Variants in PLEKHG2 observed in about 807,000 individuals in gnomAD.
PLEKHG2 encodes pleckstrin homology and RhoGEF domain containing G2.
In PLEKHG2, 71 loss-of-function variants were observed where a neutral mutation model predicts 104.4. The observed-to-expected ratio is 0.68, with a 90% CI of 0.56 to 0.83. The LOEUF (loss-of-function observed/expected upper bound fraction) is 0.83. Among genes scored for constraint, PLEKHG2 ranks in the 40% least tolerant of loss-of-function variants. The probability of loss-of-function intolerance (pLI) is 0.00; values close to 1 mark genes in which losing one functional copy is unlikely to be tolerated. For synonymous variants in PLEKHG2, 728 were observed against 737.0 expected, an observed-to-expected ratio of 0.99 and a Z score of 0.20; for missense variants, 1,730 against 1,809.4, an observed-to-expected ratio of 0.96 and a Z score of 0.80.
In PLEKHG2 at chr19:39,426,219, A is replaced by C. The variant is rs1340726023; in HGVS notation, c.*925A>C. On this transcript the variant is annotated 3_prime_UTR_variant, in exon 19 of 19. Transcript: ENST00000425673. Reference sequence around the variant, plus strand: ...GGGAGATCAATTTTGGGGCTCTGGGATAAGTCTGTCCCACATCTGTCTGAT... The same window carrying C: ...GGGAGATCAATTTTGGGGCTCTGGGCTAAGTCTGTCCCACATCTGTCTGAT... 1 of 152,270 alleles carries C rather than the reference A, an allele frequency of 6.6e-6. No homozygotes were observed. Among genetic ancestry groups the C allele is most frequent in the Non-Finnish European group, 1.5e-5 (1 of 68,154 alleles). The allele number at this position is 152,270 out of a possible 1,614,324, so 9.4% of individuals were successfully genotyped here.
chr19:39,417,918 G>C lies in PLEKHG2; in HGVS notation c.896G>C (p.Arg299Pro). ...HAARLQEVQR[R>P]LGGWTGPELS... ...GGGTCCCGGCAGGAAGTGCAGCGGC[G>C]GCTGGGTGGCTGGACCGGACCAGAG... The change falls in exon 9 of 19, where the codon CGG (arginine) becomes CCG (proline). Residue 299 changes from arginine (R) to proline (P), a missense_variant. By Grantham distance (103) the Arg-to-Pro change is moderately radical (BLOSUM62 -2). Coordinates refer to ENST00000425673, the MANE Select transcript of PLEKHG2 (RefSeq NM_022835.3). 6.5e-7 allele frequency: 1 copy of C among 1,541,584 alleles called. No individual in the cohort carries two copies. The highest frequency in any genetic ancestry group is 8.7e-7 in the Non-Finnish European group (1 of 1,145,332).
chr19:39,425,238 G>A lies in PLEKHG2; in HGVS notation c.4105G>A (p.Glu1369Lys), dbSNP rs369622702. 8 of 1,613,436 alleles carry A rather than the reference G, an allele frequency of 5.0e-6. No individual in the cohort carries two copies. The highest frequency in any genetic ancestry group is 6.8e-6 in the Non-Finnish European group (8 of 1,180,006). ...CCCTGCTCTCTTGGCCTCCACACAG[G>A]AATCTATGGGCCTTCACAGGGCCCA... The part of the protein sequence containing the change: ...NHPALLASTQ[E>K]SMGLHRAQGA... Residue 1369 changes from glutamate to lysine, a missense_variant, in exon 19 of 19, where the codon GAA (glutamate) becomes AAA (lysine). Physicochemically the swap from Glu to Lys is moderately conservative, Grantham distance 56. Transcript: ENST00000425673.
Position 39,422,951 on chromosome 19 carries a change from A to G in PLEKHG2, c.1897A>G (p.Thr633Ala), listed in dbSNP as rs1372632529. The G allele has an allele frequency of 6.2e-7, 1 of 1,613,966 alleles. No individual in the cohort carries two copies. The highest frequency in any genetic ancestry group is 8.5e-7 in the Non-Finnish European group (1 of 1,179,950). Reference protein sequence around the residue: ...AAEMPSIPCLTKIPDVPNLPE... With the variant: ...AAEMPSIPCLAKIPDVPNLPE... Reference sequence around the variant, plus strand: ...TGAAATGCCCAGCATTCCCTGCCTTACCAAAATTCCTGACGTGCCCAACCT... The same window carrying G: ...TGAAATGCCCAGCATTCCCTGCCTTGCCAAAATTCCTGACGTGCCCAACCT... The change falls in exon 18 of 19, where the codon ACC (threonine) becomes GCC (alanine). Residue 633 changes from threonine to alanine, a missense_variant. Physicochemically the swap from Thr to Ala is moderately conservative, Grantham distance 58. Coordinates refer to ENST00000425673, the MANE Select transcript of PLEKHG2 (RefSeq NM_022835.3).
At position 39,417,976 on chromosome 19, in the gene PLEKHG2, C is replaced by T. The variant is rs754076614; in HGVS notation, c.954C>T (p.Gly318=). The change falls in exon 9 of 19, where the codon GGC becomes GGT. Residue 318 remains glycine (G), a synonymous_variant. Transcript: ENST00000425673. ...CTTTTGGGGAACTGGTGTTGGAGGG[C>T]GCGTTCCGAGGAGGCGGAGGGGGTG... The part of the protein sequence containing the change: ...LSAFGELVLE[G]AFRGGGGGGP... 2.3e-4 allele frequency: 349 copies of T among 1,543,896 alleles called. 1 individual carries two copies. Among genetic ancestry groups the T allele is most frequent in the South Asian group, 3.7e-4 (31 of 83,464 alleles).
chr19:39,414,660 G>T (rs552455993), intron 2 of PLEKHG2, among the ~76,000 whole-genome samples: 5 of 152,212 alleles, frequency 3.3e-5, no homozygotes, highest in Admixed American at 2.6e-4. Context: ...ACATTGCCCA[G>T]TGCCCTGTGG....
chr19:39,421,942 G>T, intron 16 of PLEKHG2, 173 bp from the exon 17 acceptor site: 1 of 540,872 alleles, frequency 1.8e-6, no homozygotes, highest in South Asian at 4.0e-5. Flanking sequence ...GCTTGAACCC[G>T]GGAGGCGGAG....
Position 39,417,630 on chromosome 19 carries a change from A to T in PLEKHG2, c.820A>T (p.Thr274Ser). The change falls in exon 8 of 19, where the codon ACA (threonine) becomes TCA (serine). Residue 274 changes from threonine to serine, a missense_variant. By Grantham distance (58) the Thr-to-Ser change is moderately conservative. Coordinates refer to ENST00000425673, the MANE Select transcript of PLEKHG2 (RefSeq NM_022835.3). ...GGTGGAGGAAGCTATTGTGTCCATG[A>T]CAGCGGTTGCCTGGTACATCAACGA... is the stretch of plus-strand genomic sequence containing the variant. The part of the protein sequence containing the change: ...EMVEEAIVSM[T>S]AVAWYINDMK... The T allele has an allele frequency of 1.2e-6, 2 of 1,614,062 alleles. No individual in the cohort carries two copies. The highest frequency in any genetic ancestry group is 1.7e-6 in the Non-Finnish European group (2 of 1,180,036).
At chr19:39,422,408 T>G in intron 17 of PLEKHG2, 120 bp downstream of exon 17, 1 of 1,166,256 alleles carries the variant, frequency 8.6e-7, no homozygotes, top group Non-Finnish European at 1.2e-6. Context: ...GATGGAGTCT[T>G]GCTCTGTTGC....
At chr19:39,420,049 G>A (rs755822744) in intron 11 of PLEKHG2, among the ~76,000 whole-genome samples, 29 of 151,506 alleles carry the variant, frequency 1.9e-4, no homozygotes, top group Admixed American at 5.3e-4. Flanking sequence ...GCGAAACTCC[G>A]TCTCAAAAAA....
At position 39,416,205 on chromosome 19, in the gene PLEKHG2, C is replaced by A; in HGVS notation, c.480-143C>A. On this transcript the variant is annotated intron_variant, in intron 4 of 18. Transcript: ENST00000425673. The surrounding 1 kb of genome is among the most constrained non-coding windows in gnomAD (Gnocchi z 4.5). ...GTGTAGCCCTCAGAGGACCCTTCCT[C>A]CGGACATGACATCCCCTTAGGAGAT... 1 of 795,112 alleles carries A rather than the reference C, an allele frequency of 1.3e-6. No homozygotes were observed. 49.3% of individuals were successfully genotyped at this position (795,112 alleles called of 1,614,324 possible).
chr19:39,424,908 C>T lies in PLEKHG2; in HGVS notation c.3775C>T (p.Pro1259Ser). ...GTTGGAGTCTTCAGACTTGACGCCA[C>T]CTCATAGTCCCCCACCTTCCAGCCG... ...ARLESSDLTP[P>S]HSPPPSSRQL... Residue 1259 changes from proline (P) to serine (S), a missense_variant, in exon 19 of 19, where the codon CCT becomes TCT. Pro to Ser is a moderately conservative substitution (Grantham distance 74). Transcript: ENST00000425673. 1 of 1,614,210 alleles carries T rather than the reference C, an allele frequency of 6.2e-7. No homozygotes were observed. Among genetic ancestry groups the T allele is most frequent in the Non-Finnish European group, 8.5e-7 (1 of 1,180,044 alleles).
Position 39,425,658 on chromosome 19 carries a change from T to G in PLEKHG2, c.*364T>G. The G allele has an allele frequency of 2.7e-6, 1 of 373,458 alleles. No homozygotes were observed. The highest frequency in any genetic ancestry group is 4.7e-6 in the Non-Finnish European group (1 of 211,006). The allele number at this position is 373,458 out of a possible 1,614,324, so 23.1% of individuals were successfully genotyped here. A position where few individuals can be genotyped will look rare whatever the true frequency, so the allele number is the denominator to read the frequency against. On this transcript the variant is annotated 3_prime_UTR_variant, in exon 19 of 19. Transcript: ENST00000425673. ...GAATTATTGGAAAATGGACCCACTA[T>G]AACTTGGCGTGTGTGTGAACTGCTT...
At position 39,425,752 on chromosome 19, in the gene PLEKHG2, G is replaced by A; in HGVS notation, c.*458G>A. The A allele has an allele frequency of 4.9e-6, 1 of 204,370 alleles. No homozygotes were observed. The highest frequency in any genetic ancestry group is 9.7e-6 in the Non-Finnish European group (1 of 103,430). 12.7% of individuals were successfully genotyped at this position (204,370 alleles called of 1,614,324 possible). On this transcript the variant is annotated 3_prime_UTR_variant, in exon 19 of 19. Coordinates refer to ENST00000425673, the MANE Select transcript of PLEKHG2 (RefSeq NM_022835.3). Reference sequence around the variant, plus strand: ...TAGACACTAGAAATCCATTCCCTTGGCAATTTATACAGTTCACGTCTCCCA... The same window carrying A: ...TAGACACTAGAAATCCATTCCCTTGACAATTTATACAGTTCACGTCTCCCA...
At position 39,416,343 on chromosome 19, in the gene PLEKHG2, T is replaced by C. The variant is rs763598341; in HGVS notation, c.480-5T>C. 2.5e-6 allele frequency: 4 copies of C among 1,612,386 alleles called. No homozygotes were observed. Among genetic ancestry groups the C allele is most frequent in the Non-Finnish European group, 3.4e-6 (4 of 1,179,618 alleles). On this transcript the variant is annotated splice_polypyrimidine_tract_variant and splice_region_variant and intron_variant, in intron 4 of 18. Coordinates refer to ENST00000425673, the MANE Select transcript of PLEKHG2 (RefSeq NM_022835.3). This position sits in a 1 kb window ranked among gnomAD's most constrained non-coding sequence, Gnocchi z 4.5. ...CGGTTCCTCACCCTCCCCTCTCCCC[T>C]GTAGCGAGCTCCTGGAGGACTTGGA... is the stretch of plus-strand genomic sequence containing the variant.
In PLEKHG2 at chr19:39,424,988, T is replaced by C. The variant is rs1331548895; in HGVS notation, c.3855T>C (p.Tyr1285=). ...TCTCCAGATACCTGGCAGCCTCATA[T>C]ATCAGCCAGAGCCTGGCTCGGCGGC... The part of the protein sequence containing the change: ...AALSRYLAAS[Y]ISQSLARRQG... The change falls in exon 19 of 19, where the codon TAT becomes TAC. Residue 1285 remains tyrosine (Y), a synonymous_variant. Coordinates refer to ENST00000425673, the MANE Select transcript of PLEKHG2 (RefSeq NM_022835.3). 6.2e-7 allele frequency: 1 copy of C among 1,613,544 alleles called. No homozygotes were observed.
At chr19:39,418,656 C>G in intron 9 of PLEKHG2, 78 bp from the exon 10 acceptor site, 1 of 1,191,082 alleles carries the variant, frequency 8.4e-7, no homozygotes, top group Non-Finnish European at 1.2e-6. Context: ...CCCAGATACA[C>G]CTCCAAGGGT....
At chr19:39,422,506 T>C (rs2078715039) in intron 17 of PLEKHG2, among the ~76,000 whole-genome samples, 1 of 151,718 alleles carries the variant, frequency 6.6e-6, no homozygotes, top group African/African-American at 2.4e-5. Flanking sequence ...GCCTCCTGAG[T>C]AGCTGGGACT....
chr19:39,422,809 C>A lies in PLEKHG2; in HGVS notation c.1755C>A (p.Ala585=). ...PGDSETLTFQ[A]LPSRDSSEEE... is the part of the protein sequence containing the mutation. ...ACAGCGAAACCCTCACATTCCAAGCCCTGCCCAGCCGGGACTCTTCAGAAG... is the reference window on the plus strand; with the variant it reads ...ACAGCGAAACCCTCACATTCCAAGCACTGCCCAGCCGGGACTCTTCAGAAG... Residue 585 remains alanine (A), a synonymous_variant, in exon 18 of 19, where the codon GCC becomes GCA. Coordinates refer to ENST00000425673, the MANE Select transcript of PLEKHG2 (RefSeq NM_022835.3). 6.5e-7 allele frequency: 1 copy of A among 1,539,280 alleles called. No individual in the cohort carries two copies. Among genetic ancestry groups the A allele is most frequent in the South Asian group, 1.3e-5 (1 of 77,898 alleles).
In PLEKHG2 at chr19:39,423,939, A is replaced by C. The variant is rs1244599885; in HGVS notation, c.2806A>C (p.Thr936Pro). 1.2e-6 allele frequency: 2 copies of C among 1,613,912 alleles called. No homozygotes were observed. Among genetic ancestry groups the C allele is most frequent in the Non-Finnish European group, 1.7e-6 (2 of 1,179,992 alleles). ...DLPGIHVSAATLLPEQGGSRH... is the reference protein window; with the variant it reads ...DLPGIHVSAAPLLPEQGGSRH... Reference sequence around the variant, plus strand: ...TCCGGGCATCCACGTTTCAGCTGCTACCCTTTTGCCTGAGCAAGGAGGTTC... The same window carrying C: ...TCCGGGCATCCACGTTTCAGCTGCTCCCCTTTTGCCTGAGCAAGGAGGTTC... Residue 936 changes from threonine to proline, a missense_variant, in exon 19 of 19, where the codon ACC (threonine) becomes CCC (proline). Physicochemically the swap from Thr to Pro is conservative, Grantham distance 38. Coordinates refer to ENST00000425673, the MANE Select transcript of PLEKHG2 (RefSeq NM_022835.3).
Sources: allele counts gnomAD v4.1 joint callset (sites outside exome capture counted in the v4.1 genomes callset), GRCh38; gene constraint gnomAD v4.1.1; non-coding constraint Gnocchi (gnomAD v3.1); transcripts MANE v1.5; gene names NCBI Gene and HGNC (gene_info 2026-07-23, HGNC 2026-07-21).